The following MTHFD2L variants were observed in gnomAD, a reference collection of about 807,000 sequenced individuals.
MTHFD2L encodes the protein methylenetetrahydrofolate dehydrogenase (NADP+ dependent) 2 like.
Under a neutral mutation model 34.9 loss-of-function variants are expected in MTHFD2L, and 29 were observed. The ratio of observed to expected loss-of-function variants is 0.83; its 90% confidence interval spans 0.62 to 1.13. MTHFD2L has a LOEUF of 1.13. Among genes scored for constraint, MTHFD2L ranks in the 50% most tolerant of loss-of-function variants. MTHFD2L has a pLI of 0.00. For synonymous variants in MTHFD2L, 167 were observed against 155.7 expected (o/e 1.07, Z -0.54); for missense variants, 481 against 446.5 (o/e 1.08, Z -0.70).
intron 6 of MTHFD2L, among the ~76,000 whole-genome samples, chr4:74,260,580 A>G (rs1443130922): frequency 1.3e-5 from 2 of 152,102 alleles, no homozygotes; most frequent in Non-Finnish European, 1.5e-5. Context: ...TAAATACTAG[A>G]TAGTTTCAAG....
chr4:74,241,009 A>G (rs1217645011), intron 6 of MTHFD2L, among the ~76,000 whole-genome samples: 2 of 152,194 alleles, frequency 1.3e-5, no homozygotes, highest in African/African-American at 4.8e-5. Flanking sequence ...GGGAGACTGG[A>G]AGCCCTAGGG....
At chr4:74,162,401 G>T (rs1026572192) in intron 1 of MTHFD2L, 1 of 151,932 alleles carries the variant, frequency 6.6e-6, no homozygotes, top group Non-Finnish European at 1.5e-5. Flanking sequence ...CTATAATTAG[G>T]CTCATTAGAG....
At chr4:74,137,283 C>T (rs186546732) in intron 1 of MTHFD2L, among the ~76,000 whole-genome samples, 31 of 152,046 alleles carry the variant, frequency 2.0e-4, no homozygotes, top group African/African-American at 7.5e-4. Flanking sequence ...AAATGTAAAC[C>T]TTAATTTAAA....
intron 1 of MTHFD2L, among the ~76,000 whole-genome samples, chr4:74,139,561 T>C (rs1204533651): frequency 6.6e-6 from 1 of 152,150 alleles, no homozygotes; most frequent in East Asian, 1.9e-4. Context: ...ACTCTTCCCA[T>C]GAGTTGGGGG....
At chr4:74,170,938 T>C (rs1727818484) in intron 1 of MTHFD2L, among the ~76,000 whole-genome samples, 1 of 122,068 alleles carries the variant, frequency 8.2e-6, no homozygotes, top group Admixed American at 1.1e-4. Flanking sequence ...TAAGAACACA[T>C]GCACACAGGA....
chr4:74,297,304 A>G (rs1749749723), intron 7 of MTHFD2L, among the ~76,000 whole-genome samples: 1 of 152,084 alleles, frequency 6.6e-6, no homozygotes, highest in Non-Finnish European at 1.5e-5. Flanking sequence ...ATTTGTCTCA[A>G]TTGTCAAATA....
At chr4:74,167,868 C>T (rs1727067875) in intron 1 of MTHFD2L, among the ~76,000 whole-genome samples, 1 of 152,150 alleles carries the variant, frequency 6.6e-6, no homozygotes, top group South Asian at 2.1e-4. Flanking sequence ...CCCCCAATTT[C>T]TCAGGTCAGA....
At chr4:74,132,095 T>C (rs1722554288) in intron 1 of MTHFD2L, among the ~76,000 whole-genome samples, 1 of 152,160 alleles carries the variant, frequency 6.6e-6, no homozygotes, top group Non-Finnish European at 1.5e-5. Context: ...AAACAACAGA[T>C]ACTGAAGAGG....
intron 6 of MTHFD2L, among the ~76,000 whole-genome samples, chr4:74,230,963 C>T (rs564158846): frequency 4.6e-4 from 70 of 152,168 alleles, no homozygotes; most frequent in Middle Eastern, 6.8e-3. Flanking sequence ...AGGAAATGAG[C>T]TGCTGAGTCA....
intron 7 of MTHFD2L, among the ~76,000 whole-genome samples, chr4:74,289,068 G>A (rs1337424141): frequency 6.6e-6 from 1 of 152,096 alleles, no homozygotes; most frequent in Non-Finnish European, 1.5e-5. Flanking sequence ...CATTTTTATA[G>A]TCACTTGGGA....
intron 7 of MTHFD2L, among the ~76,000 whole-genome samples, chr4:74,283,899 G>A (rs189996112): frequency 1.1e-4 from 17 of 152,218 alleles, no homozygotes; most frequent in Non-Finnish European, 2.4e-4. Flanking sequence ...AACCTGAGGT[G>A]AAGGATGATC....
At chr4:74,203,062 T>C (rs1021114480) in intron 5 of MTHFD2L, among the ~76,000 whole-genome samples, 4 of 152,206 alleles carry the variant, frequency 2.6e-5, no homozygotes, top group Non-Finnish European at 5.9e-5. Context: ...TATTAACTTA[T>C]CTAAAATGAT....
upstream of MTHFD2L, chr4:74,156,553 A>G (rs1369268802): frequency 1.3e-5 from 2 of 152,228 alleles, no homozygotes; most frequent in Non-Finnish European, 2.9e-5. Context: ...ATATTTTAAA[A>G]TCAGTTGGGT....
chr4:74,164,191 T>A (rs1478302458), intron 1 of MTHFD2L, among the ~76,000 whole-genome samples: 2 of 152,190 alleles, frequency 1.3e-5, no homozygotes, highest in Non-Finnish European at 2.9e-5. Flanking sequence ...TTTTCAACAT[T>A]ATAGAGATAA....
chr4:74,123,446 T>C (rs910011718), upstream of MTHFD2L: 2 of 152,162 alleles, frequency 1.3e-5, no homozygotes, highest in African/African-American at 2.4e-5. Flanking sequence ...TTCTAATCAA[T>C]AGAGTTTTCT....
chr4:74,147,455 C>T (rs1578255852), intron 1 of MTHFD2L, among the ~76,000 whole-genome samples: 1 of 152,160 alleles, frequency 6.6e-6, no homozygotes, highest in Non-Finnish European at 1.5e-5. Flanking sequence ...TGAACAGCCA[C>T]TCTAATTTGG....
chr4:74,158,266 G>T lies in MTHFD2L; in HGVS notation c.128G>T (p.Arg43Leu). The T allele has an allele frequency of 6.9e-7, 1 of 1,439,502 alleles. No individual in the cohort carries two copies. The allele number at this position is 1,439,502 out of a possible 1,614,324, so 89.2% of individuals were successfully genotyped here. Residue 43 changes from arginine to leucine, a missense_variant, in exon 1 of 8, where the codon CGG becomes CTG. Transcript: ENST00000325278. ...CCCGGGAGTGCGTTCCGGGGCTTTCGGAGCAGCGGTGTGAGGTACGAGGGC... is the reference window on the plus strand; with the variant it reads ...CCCGGGAGTGCGTTCCGGGGCTTTCTGAGCAGCGGTGTGAGGTACGAGGGC... ...GEPGSAFRGF[R>L]SSGVRHEAII...
chr4:74,187,278 A>T (rs1316357952), intron 3 of MTHFD2L, among the ~76,000 whole-genome samples: 2 of 152,182 alleles, frequency 1.3e-5, no homozygotes, highest in African/African-American at 2.4e-5. Flanking sequence ...AGAGGAAAAA[A>T]ACCCAAACCG....
At chr4:74,185,462 AAG>A (rs1476138450) in intron 3 of MTHFD2L, among the ~76,000 whole-genome samples, 9 of 152,220 alleles carry the variant, frequency 5.9e-5, no homozygotes, top group African/African-American at 1.4e-4. Context: ...AAAACAAAAA[AAG>A]AAATAATAAA....
Sources: allele counts gnomAD v4.1 joint callset (sites outside exome capture counted in the v4.1 genomes callset), GRCh38; gene constraint gnomAD v4.1.1; transcripts MANE v1.5; gene names NCBI Gene and HGNC (gene_info 2026-07-23, HGNC 2026-07-21).